TRHDE: variants seen among roughly 807,000 people sequenced by gnomAD.
TRHDE encodes the protein thyrotropin-releasing hormone-degrading ectoenzyme.
A neutral mutation model predicts 125.7 loss-of-function variants in TRHDE; 72 were observed. That is an observed-to-expected ratio of 0.57 (90% CI 0.47 to 0.70). The LOEUF is 0.70. Ranked by LOEUF, TRHDE falls within the 30% of genes least tolerant of loss-of-function variation. TRHDE has a pLI of 0.00. For synonymous variants in TRHDE, 509 were observed against 509.1 expected, an observed-to-expected ratio of 1.00 and a Z score of 0.00; for missense variants, 1,110 against 1,327.1, an observed-to-expected ratio of 0.84 and a Z score of 2.54.
chr12:72,652,530 G>A (rs1874548229), intron 16 of TRHDE, 41 bp downstream of exon 16: 2 of 1,488,948 alleles, frequency 1.3e-6, no homozygotes, highest in Non-Finnish European at 1.8e-6. Context: ...TCTAATGAAA[G>A]TATTCTGTTA....
intron 3 of TRHDE, among the ~76,000 whole-genome samples, chr12:72,468,502 CAAG>C (rs1341980878): frequency 6.6e-6 from 1 of 152,210 alleles, no homozygotes; most frequent in Non-Finnish European, 1.5e-5. Context: ...AGGGTTATAT[CAAG>C]AAGTAGAACT....
chr12:72,091,669 T>C (rs1471609493), intron 1 of TRHDE, among the ~76,000 whole-genome samples: 4 of 152,128 alleles, frequency 2.6e-5, no homozygotes, highest in Non-Finnish European at 5.9e-5. Flanking sequence ...CTGGGGGCTA[T>C]ATAAGTAAAC....
chr12:72,300,453 A>G (rs1322290248), intron 2 of TRHDE, among the ~76,000 whole-genome samples: 1 of 151,700 alleles, frequency 6.6e-6, no homozygotes, highest in Admixed American at 6.6e-5. Flanking sequence ...TATTTTTTAT[A>G]TATATGTATT....
At chr12:72,111,164 G>A (rs1345773467) in intron 2 of TRHDE, among the ~76,000 whole-genome samples, 3 of 152,130 alleles carry the variant, frequency 2.0e-5, no homozygotes, top group Admixed American at 1.3e-4. Context: ...GCTGTTGAAC[G>A]TTAACTCATG....
chr12:72,255,966 C>T (rs1219438384), intron 2 of TRHDE: 1 of 152,184 alleles, frequency 6.6e-6, no homozygotes, highest in African/African-American at 2.4e-5. Flanking sequence ...CCTCTACTAC[C>T]ATCCTTATCC....
At chr12:72,592,899 G>A (rs555840437) in intron 12 of TRHDE, among the ~76,000 whole-genome samples, 3 of 152,136 alleles carry the variant, frequency 2.0e-5, no homozygotes, top group East Asian at 3.9e-4. Flanking sequence ...TTTTAGTAGA[G>A]ACACGGTTTT....
chr12:72,552,615 A>G (rs939460840), intron 7 of TRHDE, among the ~76,000 whole-genome samples: 3 of 152,270 alleles, frequency 2.0e-5, no homozygotes, highest in Middle Eastern at 3.4e-3. Context: ...AGTGGCCAAC[A>G]ATGTTAAATG....
At chr12:72,242,369 G>A (rs1185759643) in intron 2 of TRHDE, among the ~76,000 whole-genome samples, 5 of 152,106 alleles carry the variant, frequency 3.3e-5, no homozygotes, top group African/African-American at 9.7e-5. Context: ...CCAACTCCAC[G>A]GCCAAGCCTC....
rs117967326 is a variant in TRHDE at position 72,493,693 on chromosome 12, A to G, written c.1585-5805A>G. 9.4e-4 allele frequency among the ~76,000 whole-genome samples: 143 copies of G among 152,048 alleles called. 2 individuals carry two copies. Among genetic ancestry groups the G allele is most frequent in the Middle Eastern group, 6.8e-3 (2 of 294 alleles). ...TTCCTTTTCTCATTACTGGTAATTT[A>G]CTATGTTATACTCTCTGCCTTTAGC... On this transcript the variant is annotated intron_variant, in intron 5 of 18. Transcript: ENST00000261180.
intron 2 of TRHDE, among the ~76,000 whole-genome samples, chr12:72,155,870 C>T (rs778321105): frequency 6.6e-6 from 1 of 152,162 alleles, no homozygotes; most frequent in South Asian, 2.1e-4. Context: ...CCCTTCTGTC[C>T]GTTCTCAAAT....
chr12:72,458,940 A>G (rs1875999448), intron 3 of TRHDE, among the ~76,000 whole-genome samples: 1 of 152,176 alleles, frequency 6.6e-6, no homozygotes, highest in African/African-American at 2.4e-5. Context: ...TTAGTTCCCT[A>G]TTGATGCGAT....
At chr12:72,536,914 T>G (rs1387953102) in intron 6 of TRHDE, among the ~76,000 whole-genome samples, 1 of 152,090 alleles carries the variant, frequency 6.6e-6, no homozygotes, top group East Asian at 1.9e-4. Flanking sequence ...TTCCAAACTC[T>G]CAGTAACTCT....
chr12:72,317,708 C>T (rs551602225), intron 2 of TRHDE, among the ~76,000 whole-genome samples: 1 of 152,088 alleles, frequency 6.6e-6, no homozygotes, highest in Admixed American at 6.5e-5. Context: ...GGTGTGGAAA[C>T]CATAGGTACA....
In TRHDE at chr12:72,273,426, C is replaced by G; in HGVS notation, c.783C>G (p.Val261=). The change falls in exon 1 of 19, where the codon GTC becomes GTG. Residue 261 remains valine (V), a synonymous_variant. Coordinates refer to ENST00000261180, the MANE Select transcript of TRHDE (RefSeq NM_013381.3). This position sits in a 1 kb window ranked among gnomAD's most constrained non-coding sequence, Gnocchi z 5.3. ...TTTTCCTCTACCCGCAAACCCAGGT[C>G]TTAGTGGTGGTGCTGAATAGGACAC... The part of the protein sequence containing the change: ...AGFFLYPQTQ[V]LVVVLNRTLD... The G allele has an allele frequency of 6.2e-7, 1 of 1,614,140 alleles. No homozygotes were observed. The highest frequency in any genetic ancestry group is 8.5e-7 in the Non-Finnish European group (1 of 1,180,038).
At chr12:72,455,927 C>T (rs1424836098) in intron 3 of TRHDE, among the ~76,000 whole-genome samples, 1 of 151,774 alleles carries the variant, frequency 6.6e-6, no homozygotes, top group African/African-American at 2.4e-5. Flanking sequence ...GAATCATATA[C>T]TCATAGAATT....
intron 7 of TRHDE, among the ~76,000 whole-genome samples, chr12:72,549,839 T>G (rs1044656440): frequency 2.6e-5 from 4 of 151,846 alleles, no homozygotes; most frequent in African/African-American, 9.7e-5. Flanking sequence ...AGAAATAACT[T>G]TTATTCATCA....
At chr12:72,096,430 A>G (rs928694896) in intron 1 of TRHDE, among the ~76,000 whole-genome samples, 1 of 152,212 alleles carries the variant, frequency 6.6e-6, no homozygotes, top group African/African-American at 2.4e-5. Flanking sequence ...TCAGTTATGG[A>G]GATTATTTCA....
chr12:72,355,856 A>C (rs1399283609), intron 2 of TRHDE, among the ~76,000 whole-genome samples: 1 of 151,876 alleles, frequency 6.6e-6, no homozygotes, highest in Non-Finnish European at 1.5e-5. Flanking sequence ...TTGAGAAACC[A>C]TCTCACACCA....
At chr12:72,474,552 A>G (rs1343480217) in intron 5 of TRHDE, among the ~76,000 whole-genome samples, 3 of 152,118 alleles carry the variant, frequency 2.0e-5, no homozygotes, top group Non-Finnish European at 2.9e-5. Flanking sequence ...CTCGCTTGGC[A>G]TGAAGTACCA....
Sources: gnomAD v4.1 joint callset for allele counts (sites outside exome capture counted in the v4.1 genomes callset) on GRCh38, gnomAD v4.1.1 for gene constraint, Gnocchi (gnomAD v3.1) non-coding constraint, MANE v1.5 for transcripts, NCBI Gene and HGNC (gene_info 2026-07-23, HGNC 2026-07-21) for gene names.